SGF29: variants seen among roughly 807,000 people sequenced by gnomAD.
SGF29 encodes the protein SAGA-associated factor 29.
Under a neutral mutation model 38.1 loss-of-function variants are expected in SGF29, and 15 were observed. That is an observed-to-expected ratio of 0.39 (90% CI 0.26 to 0.61). SGF29 has a LOEUF of 0.61. Ranked by LOEUF, SGF29 falls within the 20% of genes least tolerant of loss-of-function variation. The pLI is 0.49. For synonymous variants in SGF29, 151 were observed against 160.8 expected, an observed-to-expected ratio of 0.94 and a Z score of 0.46; for missense variants, 184 against 394.6, an observed-to-expected ratio of 0.47 and a Z score of 4.52.
At chr16:28,577,385 T>C (rs748735034) in intron 1 of SGF29, among the ~76,000 whole-genome samples, 42 of 151,968 alleles carry the variant, frequency 2.8e-4, no homozygotes, top group Non-Finnish European at 3.8e-4. Context: ...TACTCATTAA[T>C]AGTCGCTGTC....
chr16:28,588,632 T>C (rs1289428581), intron 4 of SGF29: 2 of 433,410 alleles, frequency 4.6e-6, no homozygotes, highest in Admixed American at 5.4e-5. Flanking sequence ...TGACGCGATC[T>C]CGGTTCACTG....
At chr16:28,554,161 T>A (rs940051310) in intron 1 of SGF29, 64 bp downstream of exon 1, 1 of 150,642 alleles carries the variant, frequency 6.6e-6, no homozygotes, top group Non-Finnish European at 1.5e-5. Flanking sequence ...GGCTGAGTCC[T>A]CCCTCCGCGC....
At chr16:28,568,653 G>C (rs1270918965) in intron 1 of SGF29, among the ~76,000 whole-genome samples, 1 of 152,080 alleles carries the variant, frequency 6.6e-6, no homozygotes, top group Non-Finnish European at 1.5e-5. Flanking sequence ...AGTGGCTCAC[G>C]CCTGTAATGC....
intron 1 of SGF29, among the ~76,000 whole-genome samples, chr16:28,569,012 T>G (rs151232): frequency 6.6e-6 from 1 of 151,754 alleles, no homozygotes; most frequent in African/African-American, 2.4e-5. Context: ...CGCTTGAACC[T>G]GGGAGGCGAA....
intron 1 of SGF29, among the ~76,000 whole-genome samples, chr16:28,561,947 GA>G (rs1401167431): frequency 1.3e-5 from 2 of 152,164 alleles, no homozygotes; most frequent in Non-Finnish European, 2.9e-5. Flanking sequence ...GTTTCCTGGG[GA>G]AGTTTAGACT....
At chr16:28,564,542 TATATATAC>T (rs2046811365) in intron 1 of SGF29, among the ~76,000 whole-genome samples, 2 of 90,888 alleles carry the variant, frequency 2.2e-5, no homozygotes, top group African/African-American at 7.8e-5. Context: ...TATATATGTA[TATATATAC>T]GTATATATAT....
rs540142734 is a variant in SGF29 at position 28,556,833 on chromosome 16, A to G, written c.-16+2736A>G. ...TAATTATTTTATTTTGTTTTTGTAG[A>G]GACAGGGCCTCCGTGTGTTGCCCAG... On this transcript the variant is annotated intron_variant, in intron 1 of 9. Transcript: ENST00000317058. Among the ~76,000 whole-genome samples, 3 of 152,116 alleles carry G rather than the reference A, an allele frequency of 2.0e-5. No individual in the cohort carries two copies. In the East Asian group the frequency reaches 5.8e-4, roughly 29 times the overall value.
chr16:28,579,257 CTTTTTT>C (rs570774951), intron 1 of SGF29, among the ~76,000 whole-genome samples: 1 of 134,792 alleles, frequency 7.4e-6, no homozygotes, highest in Non-Finnish European at 1.6e-5. Context: ...TTCTAATTAT[CTTTTTT>C]TTTTTTTTTT....
Position 28,590,448 on chromosome 16 carries a change from T to G in SGF29, c.566+6T>G, listed in dbSNP as rs777879502. 1.2e-6 allele frequency: 2 copies of G among 1,613,732 alleles called. No homozygotes were observed. Among genetic ancestry groups the G allele is most frequent in the South Asian group, 2.2e-5 (2 of 91,060 alleles). On this transcript the variant is annotated splice_donor_region_variant and intron_variant, in intron 7 of 9. Coordinates refer to ENST00000317058, the MANE Select transcript of SGF29 (RefSeq NM_138414.3). The surrounding 1 kb of genome is among the most constrained non-coding windows in gnomAD (Gnocchi z 8.2). ...TACAGCCATGCCACCAACAAGTGAG[T>G]GACACCAACCCTGGGGCTGCTCTCT...
chr16:28,561,257 A>G (rs572395302), intron 1 of SGF29, among the ~76,000 whole-genome samples: 24 of 151,554 alleles, frequency 1.6e-4, no homozygotes, highest in Non-Finnish European at 3.2e-4. Context: ...CTGGACAGGC[A>G]CAGTGGCTCA....
intron 1 of SGF29, among the ~76,000 whole-genome samples, chr16:28,575,507 C>G (rs539412335): frequency 1.3e-5 from 2 of 152,078 alleles, no homozygotes; most frequent in African/African-American, 4.8e-5. Flanking sequence ...ATGGTGAAAC[C>G]CTGTCTCTAC....
At chr16:28,558,573 G>T (rs1213302299) in intron 1 of SGF29, among the ~76,000 whole-genome samples, 1 of 152,166 alleles carries the variant, frequency 6.6e-6, no homozygotes, top group African/African-American at 2.4e-5. Context: ...TATTGGTTTT[G>T]TTAAATGCCT....
At chr16:28,557,199 T>TC (rs1877967129) in intron 1 of SGF29, among the ~76,000 whole-genome samples, 1 of 152,220 alleles carries the variant, frequency 6.6e-6, no homozygotes, top group South Asian at 2.1e-4. Context: ...GCAGCCTTTG[T>TC]CCCTCAGAAT....
chr16:28,585,833 C>T lies in SGF29; in HGVS notation c.224+113C>T, dbSNP rs1350570695. ...CTTCCTCCCATGGATAAGCTGATTG[C>T]TACTCCCAGCCTCTCGCTTGGGTCC... On this transcript the variant is annotated intron_variant, in intron 4 of 9. Transcript: ENST00000317058. 3 of 977,244 alleles carry T rather than the reference C, an allele frequency of 3.1e-6. No homozygotes were observed. In the African/African-American group the frequency reaches 4.8e-5, roughly 16 times the overall value. The allele number at this position is 977,244 out of a possible 1,614,324, so 60.5% of individuals were successfully genotyped here. A position where few individuals can be genotyped will look rare whatever the true frequency, so the allele number is the denominator to read the frequency against.
chr16:28,588,087 A>T (rs2046965380), intron 4 of SGF29, among the ~76,000 whole-genome samples: 1 of 152,118 alleles, frequency 6.6e-6, no homozygotes, highest in African/African-American at 2.4e-5. Flanking sequence ...GGCGTGAGCC[A>T]CCACACCCAT....
intron 4 of SGF29, among the ~76,000 whole-genome samples, chr16:28,587,702 T>C (rs567364095): frequency 1.2e-4 from 19 of 152,226 alleles, no homozygotes; most frequent in Non-Finnish European, 2.8e-4. Flanking sequence ...CTCCGGGTCA[T>C]TTCAGAAAGG....
At position 28,554,077 on chromosome 16, in the gene SGF29, G is replaced by GC. The variant is rs1168468346; in HGVS notation, c.-35dup. The GC allele has an allele frequency of 6.6e-6, 1 of 152,386 alleles. No individual in the cohort carries two copies. The allele number at this position is 152,386 out of a possible 1,614,324, so 9.4% of individuals were successfully genotyped here. On this transcript the variant is annotated 5_prime_UTR_variant, in exon 1 of 10. Transcript: ENST00000317058. ...CTCGTCGCAGTTTCCAGCCCGACGAGCTTGTTTTGTCCCGGACTCGGTAGG... is the reference window on the plus strand; with the variant it reads ...CTCGTCGCAGTTTCCAGCCCGACGAGCCTTGTTTTGTCCCGGACTCGGTAGG...
intron 1 of SGF29, among the ~76,000 whole-genome samples, chr16:28,574,380 G>A (rs977128848): frequency 9.9e-5 from 15 of 152,204 alleles, no homozygotes; most frequent in South Asian, 6.2e-4. Flanking sequence ...GAAGTTGTAC[G>A]GATGCCCATC....
At position 28,579,272 on chromosome 16, in the gene SGF29, T is replaced by G. The variant is rs566936415; in HGVS notation, c.-15-1783T>G. ...TTCTAATTATCTTTTTTTTTTTTTT[T>G]TTTTGAGACGGAGTCTCACTCTGTC... On this transcript the variant is annotated intron_variant, in intron 1 of 9. Transcript: ENST00000317058. 1.1e-3 allele frequency among the ~76,000 whole-genome samples: 168 copies of G among 149,856 alleles called. 1 individual carries two copies. The highest frequency in any genetic ancestry group is 3.9e-3 in the African/African-American group (157 of 40,746).
Sources: gnomAD v4.1 joint callset for allele counts (sites outside exome capture counted in the v4.1 genomes callset) on GRCh38, gnomAD v4.1.1 for gene constraint, Gnocchi (gnomAD v3.1) non-coding constraint, MANE v1.5 for transcripts, NCBI Gene and HGNC (gene_info 2026-07-23, HGNC 2026-07-21) for gene names.